The following ASTN2 variants were observed in gnomAD, a reference collection of about 807,000 sequenced individuals.
ASTN2 encodes the protein astrotactin-2.
A neutral mutation model predicts 139.8 loss-of-function variants in ASTN2; 54 were observed. The ratio of observed to expected loss-of-function variants is 0.39; its 90% CI spans 0.31 to 0.48. The LOEUF (loss-of-function observed/expected upper bound fraction) is 0.48. Among genes scored for constraint, ASTN2 ranks in the 20% least tolerant of loss-of-function variants. The probability of loss-of-function intolerance (pLI) is 0.95; values close to 1 mark genes in which losing one functional copy is unlikely to be tolerated. For synonymous variants in ASTN2, 756 were observed against 719.5 expected (o/e 1.05, Z -0.81); for missense variants, 1,565 against 1,725.1 (o/e 0.91, Z 1.64).
chr9:116,718,972 G>GTGTGTGTATATATATATATATATATATA (rs56991546), intron 16 of ASTN2, among the ~76,000 whole-genome samples: 1 of 100,000 alleles, frequency 1.0e-5, no homozygotes, highest in African/African-American at 3.8e-5. Flanking sequence ...ACCTGTATCT[G>GTGTGTGTATATATATATATATATATATA]TACATATATA....
Position 116,699,254 on chromosome 9 carries a change from G to C in ASTN2, c.2806+26517C>G, listed in dbSNP as rs1411269305. ...TCACAGTTGATCGAGGATCAGGGGT[G>C]GTCAAATACAGCTGCCTATGTAGTG... On this transcript the variant is annotated intron_variant, in intron 16 of 22. Transcript: ENST00000313400. This position sits in a 1 kb window ranked among gnomAD's most constrained non-coding sequence, Gnocchi z 4.2. The C allele has an allele frequency of 1.2e-6, 2 of 1,614,092 alleles. No homozygotes were observed. Among genetic ancestry groups the C allele is most frequent in the Admixed American group, 3.3e-5 (2 of 60,004 alleles).
At chr9:116,474,697 C>T (rs1848922059) in intron 20 of ASTN2, among the ~76,000 whole-genome samples, 1 of 152,152 alleles carries the variant, frequency 6.6e-6, no homozygotes, top group South Asian at 2.1e-4. Flanking sequence ...GGTTTCATTC[C>T]TAGAGTCTTA....
Position 117,414,355 on chromosome 9 carries a change from C to T in ASTN2, c.442+142G>A, listed in dbSNP as rs1319083432. The T allele has an allele frequency of 3.0e-6, 4 of 1,349,116 alleles. No individual in the cohort carries two copies. Among genetic ancestry groups the T allele is most frequent in the Non-Finnish European group, 3.9e-6 (4 of 1,026,194 alleles). The allele number at this position is 1,349,116 out of a possible 1,614,324, so 83.6% of individuals were successfully genotyped here. ...TGCTCGTTTCCAACCACCTGTGCGA[C>T]CTCTGGGCCCCTCCTCTACCCTCTG... On this transcript the variant is annotated intron_variant, in intron 1 of 22. Transcript: ENST00000313400. The surrounding 1 kb of genome is among the most constrained non-coding windows in gnomAD (Gnocchi z 4.2).
At chr9:116,646,392 G>A (rs1857591173) in intron 17 of ASTN2, among the ~76,000 whole-genome samples, 1 of 152,108 alleles carries the variant, frequency 6.6e-6, no homozygotes, top group African/African-American at 2.4e-5. Flanking sequence ...GTGTTTTCTT[G>A]TATCCATGTG....
At chr9:116,816,390 C>G (rs1299587674) in intron 12 of ASTN2, among the ~76,000 whole-genome samples, 1 of 152,182 alleles carries the variant, frequency 6.6e-6, no homozygotes, top group Non-Finnish European at 1.5e-5. Context: ...CTTCTGTCTA[C>G]CATTCTGGTA....
At chr9:116,556,786 C>T (rs1307161588) in intron 19 of ASTN2, among the ~76,000 whole-genome samples, 1 of 152,094 alleles carries the variant, frequency 6.6e-6, no homozygotes, top group Admixed American at 6.5e-5. Flanking sequence ...TAATTTTCTA[C>T]CCACTTTATC....
intron 19 of ASTN2, among the ~76,000 whole-genome samples, chr9:116,593,323 A>G (rs1588049072): frequency 6.6e-6 from 1 of 152,354 alleles, no homozygotes; most frequent in South Asian, 2.1e-4. Context: ...ACAGGGCTTG[A>G]TGGATGAAGG....
intron 19 of ASTN2, among the ~76,000 whole-genome samples, chr9:116,490,019 T>A (rs776543205): frequency 2.1e-4 from 32 of 151,800 alleles, no homozygotes; most frequent in Non-Finnish European, 4.4e-4. Context: ...TTACAAGGAG[T>A]TAACAGCACT....
chr9:117,338,112 C>A (rs755344962), intron 1 of ASTN2, among the ~76,000 whole-genome samples: 5 of 152,196 alleles, frequency 3.3e-5, no homozygotes, highest in Non-Finnish European at 5.9e-5. Flanking sequence ...CTCATCCTCA[C>A]GGACATATGG....
intron 5 of ASTN2, among the ~76,000 whole-genome samples, chr9:117,054,282 T>C (rs1404108129): frequency 2.6e-5 from 4 of 152,222 alleles, no homozygotes; most frequent in East Asian, 1.9e-4. Flanking sequence ...CTATCTATTC[T>C]GGGAGTCTGA....
chr9:117,131,876 T>C (rs1426278265), intron 4 of ASTN2, among the ~76,000 whole-genome samples: 1 of 152,204 alleles, frequency 6.6e-6, no homozygotes, highest in East Asian at 1.9e-4. Context: ...GAACACTTTC[T>C]CAGGACCCCT....
intron 10 of ASTN2, among the ~76,000 whole-genome samples, chr9:116,897,113 C>T (rs1285749415): frequency 1.3e-5 from 2 of 152,164 alleles, no homozygotes; most frequent in African/African-American, 4.8e-5. Context: ...CATCACTGCC[C>T]ACCTGCTCCC....
chr9:117,219,201 C>T (rs1354753824), intron 2 of ASTN2, among the ~76,000 whole-genome samples: 1 of 152,110 alleles, frequency 6.6e-6, no homozygotes, highest in East Asian at 1.9e-4. Flanking sequence ...CTGCACTGGT[C>T]CAGGCTTCTG....
intron 1 of ASTN2, among the ~76,000 whole-genome samples, chr9:117,347,240 T>C (rs1829247682): frequency 6.6e-6 from 1 of 152,080 alleles, no homozygotes; most frequent in Non-Finnish European, 1.5e-5. Flanking sequence ...TAATGGACTT[T>C]GTGGAGAGGT....
intron 1 of ASTN2, among the ~76,000 whole-genome samples, chr9:117,391,167 A>T (rs1424746478): frequency 1.3e-5 from 2 of 152,194 alleles, no homozygotes; most frequent in Non-Finnish European, 2.9e-5. Flanking sequence ...ACGGAGGGCC[A>T]ACTGTATTCT....
Position 116,858,949 on chromosome 9 carries a change from A to C in ASTN2, c.2040+4634T>G, listed in dbSNP as rs193124610. On this transcript the variant is annotated intron_variant, in intron 11 of 22. Transcript: ENST00000313400. ...CACAGTTCTACAATTTAAAAGTCTA[A>C]CTTGGGTCTCAATGGGCTAAAATTT... Among the ~76,000 whole-genome samples the C allele has an allele frequency of 4.8e-4, 73 of 152,294 alleles. No individual in the cohort carries two copies. In the East Asian group the frequency reaches 6.4e-3, roughly 13 times the overall value.
intron 3 of ASTN2, among the ~76,000 whole-genome samples, chr9:117,153,491 C>T (rs184647806): frequency 6.6e-5 from 10 of 152,156 alleles, no homozygotes; most frequent in South Asian, 6.2e-4. Flanking sequence ...AAACACAACC[C>T]TTCAAGATAC....
chr9:116,844,466 T>A (rs539617591), intron 11 of ASTN2, among the ~76,000 whole-genome samples: 1 of 152,340 alleles, frequency 6.6e-6, no homozygotes. Context: ...TCAAGCAAGC[T>A]TGGGCTTGAA....
chr9:116,906,122 G>A (rs886706626), intron 10 of ASTN2, among the ~76,000 whole-genome samples: 1 of 151,982 alleles, frequency 6.6e-6, no homozygotes, highest in African/African-American at 2.4e-5. Flanking sequence ...AGATGACCAG[G>A]GAAGGTTGCA....
Sources: allele counts gnomAD v4.1 joint callset (sites outside exome capture counted in the v4.1 genomes callset), GRCh38; gene constraint gnomAD v4.1.1; non-coding constraint Gnocchi (gnomAD v3.1); transcripts MANE v1.5; gene names NCBI Gene and HGNC (gene_info 2026-07-23, HGNC 2026-07-21).